The following USP32 variants were observed in gnomAD, a reference collection of about 807,000 sequenced individuals.
The protein encoded by USP32 is ubiquitin carboxyl-terminal hydrolase 32.
Under a neutral mutation model 204.8 loss-of-function variants are expected in USP32, and 59 were observed. The ratio of observed to expected loss-of-function variants is 0.29; its 90% CI spans 0.23 to 0.36. The LOEUF is 0.36. USP32 is among the 10% of genes least tolerant of loss of function. USP32 has a pLI of 1.00. For missense variants in USP32, 1,160 were observed against 1,946.4 expected (o/e 0.60, Z 7.60); for synonymous variants, 517 against 678.4 (o/e 0.76, Z 3.70).
At chr17:60,422,068 C>T (rs1194961841) in intron 1 of USP32, among the ~76,000 whole-genome samples, 2 of 152,192 alleles carry the variant, frequency 1.3e-5, no homozygotes, top group African/African-American at 4.8e-5. Context: ...TTCCTGGAGG[C>T]CGCAGGGGCA....
chr17:60,249,009 C>T (rs1042707041), intron 11 of USP32: 1 of 152,164 alleles, frequency 6.6e-6, no homozygotes, highest in Non-Finnish European at 1.5e-5. Flanking sequence ...AGTTTATCTT[C>T]CGGTACAGTA....
intron 4 of USP32, among the ~76,000 whole-genome samples, chr17:60,291,683 G>A (rs1314146869): frequency 6.6e-6 from 1 of 152,050 alleles, no homozygotes; most frequent in Admixed American, 6.6e-5. Flanking sequence ...ACACTACTCA[G>A]ATATTACAGC....
At chr17:60,208,293 T>A (rs1442877761) in intron 23 of USP32, 83 bp from the exon 24 acceptor site, 1 of 1,328,918 alleles carries the variant, frequency 7.5e-7, no homozygotes, top group Non-Finnish European at 9.8e-7. Flanking sequence ...ATATCTGACC[T>A]GTAAATATAA....
chr17:60,340,123 G>T (rs539541319), intron 2 of USP32, among the ~76,000 whole-genome samples: 69 of 152,136 alleles, frequency 4.5e-4, no homozygotes, highest in Non-Finnish European at 4.4e-5. Context: ...TTTTGAAAAA[G>T]AACTCACAAG....
At chr17:60,191,369 T>G (rs1418415727) in intron 28 of USP32, among the ~76,000 whole-genome samples, 1 of 124,356 alleles carries the variant, frequency 8.0e-6, no homozygotes, top group East Asian at 2.5e-4. Flanking sequence ...ACCACTGCAC[T>G]GCAGCCTGGG....
At chr17:60,269,166 A>G (rs964056005) in intron 7 of USP32, among the ~76,000 whole-genome samples, 4 of 152,220 alleles carry the variant, frequency 2.6e-5, no homozygotes, top group East Asian at 3.8e-4. Context: ...AAAATTTTCA[A>G]TTACATCATA....
intron 9 of USP32, among the ~76,000 whole-genome samples, chr17:60,261,657 TAAAAAC>T (rs1173988401): frequency 6.6e-6 from 1 of 150,560 alleles, no homozygotes; most frequent in African/African-American, 2.4e-5. Context: ...AAAACAAAAA[TAAAAAC>T]AAAAACAAAA....
At chr17:60,422,339 C>G in exon 1 of USP32, 1 of 880,402 alleles carries the variant, frequency 1.1e-6, no homozygotes, top group Non-Finnish European at 1.6e-6. Flanking sequence ...AGTCTTCGCT[C>G]GACCCCGCAC....
chr17:60,323,438 T>C (rs998461899), intron 2 of USP32, among the ~76,000 whole-genome samples: 1 of 152,096 alleles, frequency 6.6e-6, no homozygotes, highest in Non-Finnish European at 1.5e-5. Flanking sequence ...AGTAGATTAG[T>C]ATATTAGTTG....
intron 15 of USP32, among the ~76,000 whole-genome samples, chr17:60,220,322 C>T (rs1207820490): frequency 2.6e-5 from 4 of 152,076 alleles, no homozygotes; most frequent in Non-Finnish European, 4.4e-5. Flanking sequence ...ATCCACATTT[C>T]GTTAATATGA....
chr17:60,301,678 T>C lies in USP32; in HGVS notation c.213A>G (p.Thr71=). 6.2e-7 allele frequency: 1 copy of C among 1,601,318 alleles called. No individual in the cohort carries two copies. Among genetic ancestry groups the C allele is most frequent in the Non-Finnish European group, 8.5e-7 (1 of 1,176,854 alleles). Residue 71 remains threonine, a synonymous_variant, in exon 3 of 34, where the codon ACA becomes ACG. Coordinates refer to ENST00000300896, the MANE Select transcript of USP32 (RefSeq NM_032582.4). ...AATTATTGAAGTGCAGCCCTTTGGA[T>C]GTTCCACCAAAAGAACAGTAAATCA... ...AEVIYCSFGG[T]SKGLHFNNLI...
intron 1 of USP32, among the ~76,000 whole-genome samples, chr17:60,420,292 C>A (rs1216812529): frequency 1.3e-5 from 2 of 152,008 alleles, no homozygotes; most frequent in Non-Finnish European, 2.9e-5. Flanking sequence ...CCGCACCCGG[C>A]AGAATTATGT....
chr17:60,325,070 T>A lies in USP32; in HGVS notation c.186+20411A>T, dbSNP rs894328253. 1.8e-4 allele frequency among the ~76,000 whole-genome samples: 28 copies of A among 152,142 alleles called. 1 individual carries two copies. Among genetic ancestry groups the A allele is most frequent in the Admixed American group, 6.5e-4 (10 of 15,278 alleles). ...CTACAGGTGTTATGAAAACTAAGCA[T>A]AGGAAAAAATAAGGCAATTTTTAAA... On this transcript the variant is annotated intron_variant, in intron 2 of 33. Coordinates refer to ENST00000300896, the MANE Select transcript of USP32 (RefSeq NM_032582.4).
intron 1 of USP32, among the ~76,000 whole-genome samples, chr17:60,348,078 C>T (rs540244207): frequency 6.6e-6 from 1 of 150,948 alleles, no homozygotes; most frequent in African/African-American, 2.4e-5. Flanking sequence ...GCCAAGATAG[C>T]GCCACTGCAC....
chr17:60,254,336 C>G (rs1377929162), intron 10 of USP32, among the ~76,000 whole-genome samples: 2 of 152,008 alleles, frequency 1.3e-5, no homozygotes, highest in Non-Finnish European at 2.9e-5. Context: ...TTTTTTGGAC[C>G]TTCTAAAGAA....
At chr17:60,402,752 C>G (rs2089945825) in intron 1 of USP32, among the ~76,000 whole-genome samples, 1 of 152,160 alleles carries the variant, frequency 6.6e-6, no homozygotes, top group Non-Finnish European at 1.5e-5. Context: ...ATGAGCAAAG[C>G]TCAATGGGGA....
chr17:60,407,127 T>C (rs1443537331), intron 1 of USP32, among the ~76,000 whole-genome samples: 1 of 152,162 alleles, frequency 6.6e-6, no homozygotes, highest in Non-Finnish European at 1.5e-5. Context: ...GATCATAAAA[T>C]CAGAATGTGG....
At chr17:60,289,229 T>C (rs571787451) in intron 4 of USP32, among the ~76,000 whole-genome samples, 1 of 152,268 alleles carries the variant, frequency 6.6e-6, no homozygotes, top group Admixed American at 6.5e-5. Context: ...AGGATGGTCT[T>C]GATCTCCTGA....
chr17:60,400,915 T>G (rs183040248), intron 1 of USP32, among the ~76,000 whole-genome samples: 132 of 152,234 alleles, frequency 8.7e-4, no homozygotes, highest in African/African-American at 2.9e-3. Context: ...CCCAGCTCTT[T>G]GGGATGCTGA....
Sources: allele counts gnomAD v4.1 joint callset (sites outside exome capture counted in the v4.1 genomes callset), GRCh38; gene constraint gnomAD v4.1.1; transcripts MANE v1.5; gene names NCBI Gene and HGNC (gene_info 2026-07-23, HGNC 2026-07-21).